The following ELOVL2 variants were observed in gnomAD, a reference collection of about 807,000 sequenced individuals.
ELOVL2 encodes ELOVL fatty acid elongase 2, also known as very long chain fatty acid elongase 2.
A neutral mutation model predicts 37.7 loss-of-function variants in ELOVL2; 38 were observed. The observed-to-expected ratio is 1.01, with a 90% CI of 0.78 to 1.32. The LOEUF (loss-of-function observed/expected upper bound fraction) is 1.32. Among genes scored for constraint, ELOVL2 ranks in the 40% most tolerant of loss-of-function variants. The pLI is 0.00. For synonymous variants in ELOVL2, 115 were observed against 122.3 expected (o/e 0.94, Z 0.40); for missense variants, 352 against 363.6 (o/e 0.97, Z 0.26).
chr6:11,037,584 A>G (rs1285520766), intron 1 of ELOVL2, among the ~76,000 whole-genome samples: 1 of 151,196 alleles, frequency 6.6e-6, no homozygotes, highest in African/African-American at 2.4e-5. Flanking sequence ...CTTGAAAATT[A>G]CTACTATAAG....
chr6:11,042,086 G>T (rs1206151097), intron 1 of ELOVL2, among the ~76,000 whole-genome samples: 3 of 152,088 alleles, frequency 2.0e-5, no homozygotes, highest in African/African-American at 7.2e-5. Flanking sequence ...CGAGGTGGGT[G>T]TTGATCACTT....
At position 11,025,380 on chromosome 6, in the gene ELOVL2, C is replaced by A. The variant is rs936043263; in HGVS notation, c.4-14571G>T. Among the ~76,000 whole-genome samples, 4 of 152,208 alleles carry A rather than the reference C, an allele frequency of 2.6e-5. No individual in the cohort carries two copies. The South Asian group carries it at 8.3e-4, about 32-fold the overall frequency. ...ATGTCTAAAGTATGTAAAACTGATACAAATTTGGAAATGAACTGGGCAGAC... is the reference window on the plus strand; with the variant it reads ...ATGTCTAAAGTATGTAAAACTGATAAAAATTTGGAAATGAACTGGGCAGAC... On this transcript the variant is annotated intron_variant, in intron 1 of 7. Transcript: ENST00000354666.
intron 3 of ELOVL2, among the ~76,000 whole-genome samples, chr6:11,002,419 TAAA>T (rs1782403185): frequency 6.6e-6 from 1 of 152,234 alleles, no homozygotes. Flanking sequence ...TTAGCAAGGT[TAAA>T]TCAGTGTGTC....
chr6:10,990,854 T>G (rs1782147377), intron 5 of ELOVL2, among the ~76,000 whole-genome samples: 1 of 152,244 alleles, frequency 6.6e-6, no homozygotes, highest in African/African-American at 2.4e-5. Context: ...ACAAAGAGCC[T>G]TTTGTACATG....
chr6:11,031,574 G>A (rs910124087), intron 1 of ELOVL2, among the ~76,000 whole-genome samples: 7 of 151,966 alleles, frequency 4.6e-5, no homozygotes, highest in Non-Finnish European at 8.8e-5. Flanking sequence ...GATTTATAAG[G>A]GTCATTTACA....
Position 10,982,414 on chromosome 6 carries a change from TAAGGC to T in ELOVL2, c.*1362_*1366del, listed in dbSNP as rs1781954729. 6.6e-6 allele frequency: 1 copy of T among 152,052 alleles called. No individual in the cohort carries two copies. The highest frequency in any genetic ancestry group is 2.4e-5 in the African/African-American group (1 of 41,402). The allele number at this position is 152,052 out of a possible 1,614,324, so 9.4% of individuals were successfully genotyped here. A position where few individuals can be genotyped will look rare whatever the true frequency, so the allele number is the denominator to read the frequency against. On this transcript the variant is annotated 3_prime_UTR_variant, in exon 8 of 8. Coordinates refer to ENST00000354666, the MANE Select transcript of ELOVL2 (RefSeq NM_017770.4). ...GGACCTAAAAACTTATTTAAAAAAA[TAAGGC>T]AGGAGAGAAGATGAAGTGACTTCAT...
chr6:11,044,113 C>T lies in ELOVL2; in HGVS notation c.3+115G>A. The T allele has an allele frequency of 2.4e-6, 3 of 1,274,786 alleles. No individual in the cohort carries two copies. The highest frequency in any genetic ancestry group is 1.9e-5 in the South Asian group (1 of 52,942). The allele number at this position is 1,274,786 out of a possible 1,614,324, so 79.0% of individuals were successfully genotyped here. A position where few individuals can be genotyped will look rare whatever the true frequency, so the allele number is the denominator to read the frequency against. Reference sequence around the variant, plus strand: ...CCCCTCCGAGGGTAGCGGGTTCCAGCGGCGAACCCGCAGCGCCCGCGCCGG... The same window carrying T: ...CCCCTCCGAGGGTAGCGGGTTCCAGTGGCGAACCCGCAGCGCCCGCGCCGG... On this transcript the variant is annotated intron_variant, in intron 1 of 7. Coordinates refer to ENST00000354666, the MANE Select transcript of ELOVL2 (RefSeq NM_017770.4). The surrounding 1 kb of genome is among the most constrained non-coding windows in gnomAD (Gnocchi z 5.6).
rs796599494 is a variant in ELOVL2, at chr6:11,024,231, T to G, written c.4-13422A>C. 2.0e-5 allele frequency among the ~76,000 whole-genome samples: 3 copies of G among 152,242 alleles called. No homozygotes were observed. In the South Asian group the frequency reaches 6.2e-4, roughly 32 times the overall value. Reference sequence around the variant, plus strand: ...ATGATTGAGTCAAAATAAAGAAAATTATGTAAATGTAAGCCTCTGGCCCCC... The same window carrying G: ...ATGATTGAGTCAAAATAAAGAAAATGATGTAAATGTAAGCCTCTGGCCCCC... On this transcript the variant is annotated intron_variant, in intron 1 of 7. Coordinates refer to ENST00000354666, the MANE Select transcript of ELOVL2 (RefSeq NM_017770.4).
intron 1 of ELOVL2, among the ~76,000 whole-genome samples, chr6:11,042,031 C>T (rs1458320552): frequency 6.7e-6 from 1 of 150,144 alleles, no homozygotes; most frequent in African/African-American, 2.5e-5. Flanking sequence ...CGATTTCAGC[C>T]GGGCATGGTG....
chr6:10,984,178 C>T (rs1781997371), intron 7 of ELOVL2, among the ~76,000 whole-genome samples: 1 of 151,958 alleles, frequency 6.6e-6, no homozygotes, highest in South Asian at 2.1e-4. Flanking sequence ...CCACCATGCC[C>T]GGCTAATTTA....
chr6:10,984,379 C>T (rs1782003803), intron 7 of ELOVL2, among the ~76,000 whole-genome samples: 1 of 151,822 alleles, frequency 6.6e-6, no homozygotes, highest in Non-Finnish European at 1.5e-5. Flanking sequence ...TATTATTATA[C>T]TTTAAGTTTT....
At chr6:11,027,297 AACAGAAAT>A (rs745621219) in intron 1 of ELOVL2, among the ~76,000 whole-genome samples, 3 of 152,136 alleles carry the variant, frequency 2.0e-5, no homozygotes, top group Non-Finnish European at 4.4e-5. Flanking sequence ...CTTTGTTAGG[AACAGAAAT>A]GAGCTCAGAA....
intron 1 of ELOVL2, among the ~76,000 whole-genome samples, chr6:11,013,667 G>A (rs7760683): frequency 0.081 from 12,246 of 152,104 alleles, 1,672 homozygotes; most frequent in African/African-American, 0.28. Context: ...GCAAACAACC[G>A]AGAGGAGGAG....
chr6:11,014,489 A>G, intron 1 of ELOVL2, among the ~76,000 whole-genome samples: 1 of 149,978 alleles, frequency 6.7e-6, no homozygotes, highest in African/African-American at 2.5e-5. Flanking sequence ...AAAAACAAAC[A>G]ACAACAACAA....
At chr6:11,019,841 T>G (rs934574576) in intron 1 of ELOVL2, among the ~76,000 whole-genome samples, 12 of 150,882 alleles carry the variant, frequency 8.0e-5, no homozygotes, top group Non-Finnish European at 1.6e-4. Flanking sequence ...CCTCCTGCAT[T>G]CAAGTGATTC....
At chr6:10,985,688 T>C (rs1157846400) in intron 7 of ELOVL2, among the ~76,000 whole-genome samples, 1 of 152,006 alleles carries the variant, frequency 6.6e-6, no homozygotes, top group Non-Finnish European at 1.5e-5. Context: ...GAGGGCTCTG[T>C]TCTGTTCCAT....
rs558453026 is a variant in ELOVL2, at chr6:10,999,921, A to T, written c.333+166T>A. Reference sequence around the variant, plus strand: ...CTGTGGTTTATTCAGTTGGTCCTCTATAGAGGGATAGTTGGAAATCATCTT... The same window carrying T: ...CTGTGGTTTATTCAGTTGGTCCTCTTTAGAGGGATAGTTGGAAATCATCTT... On this transcript the variant is annotated intron_variant, in intron 4 of 7. Coordinates refer to ENST00000354666, the MANE Select transcript of ELOVL2 (RefSeq NM_017770.4). 5.9e-5 allele frequency among the ~76,000 whole-genome samples: 9 copies of T among 152,258 alleles called. No individual in the cohort carries two copies. The East Asian group carries it at 1.5e-3, about 26-fold the overall frequency.
intron 5 of ELOVL2, among the ~76,000 whole-genome samples, chr6:10,990,643 T>C (rs1782140617): frequency 6.8e-6 from 1 of 146,646 alleles, no homozygotes; most frequent in African/African-American, 2.6e-5. Flanking sequence ...ATAGAAGGAG[T>C]AGCCTGGGAT....
intron 7 of ELOVL2, 94 bp downstream of exon 7, chr6:10,989,609 A>T: frequency 7.7e-7 from 1 of 1,301,496 alleles, no homozygotes; most frequent in South Asian, 1.4e-5. Flanking sequence ...ACTGCACTCC[A>T]GCCTGGGCAA....
Sources: allele counts gnomAD v4.1 joint callset (sites outside exome capture counted in the v4.1 genomes callset), GRCh38; gene constraint gnomAD v4.1.1; non-coding constraint Gnocchi (gnomAD v3.1); transcripts MANE v1.5; gene names NCBI Gene and HGNC (gene_info 2026-07-23, HGNC 2026-07-21).